PLD5: variants seen among roughly 807,000 people sequenced by gnomAD.
The protein encoded by PLD5 is inactive phospholipase D5.
Under a neutral mutation model 61.1 loss-of-function variants are expected in PLD5, and 36 were observed. The ratio of observed to expected loss-of-function variants is 0.59; its 90% CI spans 0.45 to 0.78. PLD5 has a LOEUF of 0.78. Ranked by LOEUF, PLD5 falls within the 30% of genes least tolerant of loss-of-function variation. The probability of loss-of-function intolerance (pLI) is 0.00; values close to 1 mark genes in which losing one functional copy is unlikely to be tolerated. For missense variants in PLD5, 515 were observed against 644.4 expected (o/e 0.80, Z 2.17); for synonymous variants, 243 against 242.8 (o/e 1.00, Z -0.01).
At chr1:242,487,046 C>A (rs933391703) in intron 1 of PLD5, among the ~76,000 whole-genome samples, 4 of 151,720 alleles carry the variant, frequency 2.6e-5, no homozygotes, top group Non-Finnish European at 4.4e-5. Context: ...GAACATCACA[C>A]CCCGGGGTCT....
At chr1:242,230,986 T>C (rs1161159513) in intron 4 of PLD5, among the ~76,000 whole-genome samples, 1 of 152,160 alleles carries the variant, frequency 6.6e-6, no homozygotes, top group African/African-American at 2.4e-5. Flanking sequence ...ATAGGAATGT[T>C]TGCTTTCAGA....
chr1:242,331,852 G>C (rs766911303), intron 2 of PLD5, among the ~76,000 whole-genome samples: 12 of 152,140 alleles, frequency 7.9e-5, no homozygotes, highest in Admixed American at 7.2e-4. Flanking sequence ...ATTCTTAATA[G>C]ATTAAAACTA....
intron 1 of PLD5, among the ~76,000 whole-genome samples, chr1:242,454,820 CAG>C (rs1221387699): frequency 6.6e-6 from 1 of 152,176 alleles, no homozygotes. Flanking sequence ...GCCTGAATTA[CAG>C]AGAGAGCTGA....
intron 4 of PLD5, among the ~76,000 whole-genome samples, chr1:242,248,384 G>A (rs542844451): frequency 1.1e-4 from 16 of 151,788 alleles, no homozygotes; most frequent in Admixed American, 9.8e-4. Flanking sequence ...AGCCAATCAT[G>A]TGTATATCTA....
At chr1:242,295,823 T>C (rs941197176) in intron 2 of PLD5, among the ~76,000 whole-genome samples, 11 of 152,348 alleles carry the variant, frequency 7.2e-5, no homozygotes, top group African/African-American at 2.6e-4. Context: ...GACTTTTTAA[T>C]AATAGCCATT....
At chr1:242,190,733 A>G (rs1668217422) in intron 5 of PLD5, among the ~76,000 whole-genome samples, 1 of 151,068 alleles carries the variant, frequency 6.6e-6, no homozygotes, top group South Asian at 2.1e-4. Flanking sequence ...AATTAAAACA[A>G]ACAAACAAAA....
At chr1:242,501,162 G>A (rs1304085135) in intron 1 of PLD5, among the ~76,000 whole-genome samples, 1 of 152,130 alleles carries the variant, frequency 6.6e-6, no homozygotes, top group African/African-American at 2.4e-5. Flanking sequence ...ACTGAACTGA[G>A]CTTTCCCATT....
At chr1:242,431,724 ATT>A (rs1228123347) in intron 1 of PLD5, among the ~76,000 whole-genome samples, 1 of 152,194 alleles carries the variant, frequency 6.6e-6, no homozygotes, top group African/African-American at 2.4e-5. Context: ...GCATCTGGTT[ATT>A]TTGGAGAGAA....
intron 5 of PLD5, among the ~76,000 whole-genome samples, chr1:242,141,967 C>A (rs1482123971): frequency 6.6e-6 from 1 of 152,218 alleles, no homozygotes; most frequent in Non-Finnish European, 1.5e-5. Context: ...ATCTATTTCA[C>A]ATCCCATTCA....
intron 4 of PLD5, among the ~76,000 whole-genome samples, chr1:242,220,974 T>G (rs1670554045): frequency 6.6e-6 from 1 of 152,136 alleles, no homozygotes; most frequent in Admixed American, 6.6e-5. Flanking sequence ...TGACCTCAAG[T>G]GATCCACTCG....
At chr1:242,142,909 G>A (rs770656889) in intron 5 of PLD5, among the ~76,000 whole-genome samples, 3 of 151,668 alleles carry the variant, frequency 2.0e-5, no homozygotes, top group African/African-American at 7.3e-5. Flanking sequence ...GTAGAGATGG[G>A]GTTTCACCAT....
At chr1:242,289,423 A>G (rs1558433957) in intron 2 of PLD5, among the ~76,000 whole-genome samples, 1 of 152,068 alleles carries the variant, frequency 6.6e-6, no homozygotes, top group African/African-American at 2.4e-5. Flanking sequence ...ATCTTGGCTC[A>G]CTGCATCCTC....
chr1:242,308,742 T>A (rs1676521600), intron 2 of PLD5, among the ~76,000 whole-genome samples: 1 of 152,214 alleles, frequency 6.6e-6, no homozygotes, highest in Admixed American at 6.5e-5. Context: ...TAGTCCTTTT[T>A]AAGAATTTAA....
At chr1:242,517,896 T>C (rs932012339) in intron 1 of PLD5, among the ~76,000 whole-genome samples, 2 of 152,214 alleles carry the variant, frequency 1.3e-5, no homozygotes, top group Non-Finnish European at 2.9e-5. Flanking sequence ...AATTGGTATT[T>C]TTTTTTTATG....
At chr1:242,449,420 C>T in intron 1 of PLD5, 3 of 1,536,024 alleles carry the variant, frequency 2.0e-6, no homozygotes, top group Non-Finnish European at 2.6e-6. Context: ...TGATGTGCTG[C>T]TTCCCACAGC....
chr1:242,133,077 G>A (rs935242626), intron 5 of PLD5, among the ~76,000 whole-genome samples: 12 of 135,312 alleles, frequency 8.9e-5, no homozygotes, highest in Non-Finnish European at 1.2e-4. Context: ...CATCACACAA[G>A]AGAAATGGAA....
At chr1:242,519,356 G>C (rs895780361) in intron 1 of PLD5, among the ~76,000 whole-genome samples, 10 of 152,140 alleles carry the variant, frequency 6.6e-5, no homozygotes, top group African/African-American at 2.4e-4. Context: ...ACTATTCACT[G>C]GTAACATAAA....
At chr1:242,439,236 T>C (rs1052439249) in intron 1 of PLD5, among the ~76,000 whole-genome samples, 2 of 152,140 alleles carry the variant, frequency 1.3e-5, no homozygotes, top group Non-Finnish European at 2.9e-5. Context: ...CAATTGCATG[T>C]GGGGAAGGAG....
chr1:242,157,873 C>G (rs546279180), intron 5 of PLD5, among the ~76,000 whole-genome samples: 1 of 152,352 alleles, frequency 6.6e-6, no homozygotes, highest in East Asian at 1.9e-4. Context: ...CTCTTCAGAG[C>G]TGTCAGGCAG....
Sources: gnomAD v4.1 joint callset for allele counts (sites outside exome capture counted in the v4.1 genomes callset) on GRCh38, gnomAD v4.1.1 for gene constraint, MANE v1.5 for transcripts, NCBI Gene and HGNC (gene_info 2026-07-23, HGNC 2026-07-21) for gene names.